ELL: variants seen among roughly 807,000 people sequenced by gnomAD.
ELL encodes the protein RNA polymerase II elongation factor ELL.
ELL carries 18 observed loss-of-function variants against 64.0 expected under a neutral mutation model. That is an observed-to-expected ratio of 0.28 (90% confidence interval 0.19 to 0.42). The LOEUF (loss-of-function observed/expected upper bound fraction) is 0.42, where lower values mean the gene tolerates loss of function less well. ELL is among the 10% of genes least tolerant of loss of function. ELL has a pLI of 1.00. For missense variants in ELL, 797 were observed against 870.4 expected, an observed-to-expected ratio of 0.92 and a Z score of 1.06; for synonymous variants, 399 against 376.2, an observed-to-expected ratio of 1.06 and a Z score of -0.70.
chr19:18,450,741 T>G lies in ELL; in HGVS notation c.1201A>C (p.Ser401Arg), dbSNP rs1974511748. 5 of 1,584,100 alleles carry G rather than the reference T, an allele frequency of 3.2e-6. No homozygotes were observed. Among genetic ancestry groups the G allele is most frequent in the Non-Finnish European group, 4.3e-6 (5 of 1,165,342 alleles). The change falls in exon 8 of 12, where the codon AGC (serine) becomes CGC (arginine). Residue 401 changes from serine to arginine, a missense_variant. By Grantham distance (110) the Ser-to-Arg change is moderately radical (BLOSUM62 -1). Transcript: ENST00000262809. ...CGGCCGCTGTGGCCCAGGTCATTGC[T>G]GACATCGGCCAGGGGGTCGTGGGCC... ...PRAHDPLADV[S>R]NDLGHSGRDC...
chr19:18,509,582 T>TGCGCGCGTGC (rs1555739217), intron 1 of ELL, among the ~76,000 whole-genome samples: 1 of 95,538 alleles, frequency 1.0e-5, no homozygotes, highest in African/African-American at 4.7e-5. Flanking sequence ...CCAATGCACG[T>TGCGCGCGTGC]GCGCGCGCGC....
intron 1 of ELL, among the ~76,000 whole-genome samples, chr19:18,513,590 T>C (rs149436861): frequency 0.015 from 2,357 of 152,144 alleles, 24 homozygotes; most frequent in Non-Finnish European, 0.024. Context: ...TGAGTTATAC[T>C]GCTTATATAG....
intron 1 of ELL, among the ~76,000 whole-genome samples, chr19:18,485,285 G>A (rs970896192): frequency 6.6e-6 from 1 of 152,162 alleles, no homozygotes; most frequent in Non-Finnish European, 1.5e-5. Flanking sequence ...CTGCAGACAA[G>A]GCCATGTGTG....
chr19:18,507,998 T>C (rs902332071), intron 1 of ELL, among the ~76,000 whole-genome samples: 1 of 152,300 alleles, frequency 6.6e-6, no homozygotes, highest in African/African-American at 2.4e-5. Context: ...TGCACATGAC[T>C]GTGTTTTGTT....
chr19:18,474,888 C>T (rs943563446), intron 1 of ELL, among the ~76,000 whole-genome samples: 7 of 152,244 alleles, frequency 4.6e-5, no homozygotes, highest in Middle Eastern at 3.4e-3. Context: ...TTTGGGAGGC[C>T]GAGGTGGGCA....
At chr19:18,471,627 C>G (rs1975066865) in intron 2 of ELL, among the ~76,000 whole-genome samples, 1 of 152,224 alleles carries the variant, frequency 6.6e-6, no homozygotes, top group African/African-American at 2.4e-5. Context: ...AAGATTGCAC[C>G]ACTGCACTCC....
Position 18,484,082 on chromosome 19 carries a change from G to A in ELL, c.136-11200C>T, listed in dbSNP as rs1330375321. ...ACACTCCATGGGCACCTGGGCCACAGTGTCAGGCCCCTCTGTCCCCTCTAG... is the reference window on the plus strand; with the variant it reads ...ACACTCCATGGGCACCTGGGCCACAATGTCAGGCCCCTCTGTCCCCTCTAG... On this transcript the variant is annotated intron_variant, in intron 1 of 11. Coordinates refer to ENST00000262809, the MANE Select transcript of ELL (RefSeq NM_006532.4). Among the ~76,000 whole-genome samples the A allele has an allele frequency of 3.9e-5, 6 of 152,256 alleles. 1 individual carries two copies. The highest frequency in any genetic ancestry group is 3.9e-4 in the Admixed American group (6 of 15,288).
chr19:18,465,033 AG>A (rs1401786242), intron 4 of ELL, among the ~76,000 whole-genome samples: 1 of 152,194 alleles, frequency 6.6e-6, no homozygotes, highest in Admixed American at 6.5e-5. Context: ...GCCTTGCCCT[AG>A]GCTGCATGCC....
rs1975785924 is a variant in ELL at position 18,501,894 on chromosome 19, AAAG to A, written c.135+20024_135+20026del. Among the ~76,000 whole-genome samples the A allele has an allele frequency of 6.6e-6, 1 of 151,998 alleles. No individual in the cohort carries two copies. Among genetic ancestry groups the A allele is most frequent in the Admixed American group, 6.5e-5 (1 of 15,288 alleles). The stretch of plus-strand genomic sequence containing the variant: ...CCAGTGACCAGGACAGCCCTTTCCA[AAAG>A]AAGGCCCTGAACACAGTCAAGAGGA... On this transcript the variant is annotated intron_variant, in intron 1 of 11. Coordinates refer to ENST00000262809, the MANE Select transcript of ELL (RefSeq NM_006532.4). The surrounding 1 kb of genome is among the most constrained non-coding windows in gnomAD (Gnocchi z 4.5).
intron 1 of ELL, among the ~76,000 whole-genome samples, chr19:18,497,517 C>A (rs181946740): frequency 8.5e-5 from 13 of 152,242 alleles, no homozygotes; most frequent in Admixed American, 7.2e-4. Context: ...AAACTCAGGG[C>A]TCCAGATGAT....
intron 1 of ELL, among the ~76,000 whole-genome samples, chr19:18,512,447 G>A (rs1179490203): frequency 6.6e-6 from 1 of 152,104 alleles, no homozygotes; most frequent in East Asian, 1.9e-4. Flanking sequence ...AGACCACCCT[G>A]GGCAACATGG....
intron 5 of ELL, among the ~76,000 whole-genome samples, chr19:18,459,088 T>C (rs1193209145): frequency 6.6e-6 from 1 of 151,940 alleles, no homozygotes; most frequent in Non-Finnish European, 1.5e-5. Flanking sequence ...GTATTTTGCA[T>C]AGGCTGGTCT....
rs1974334650 is a variant in ELL at position 18,443,374 on chromosome 19, C to A, written c.*1378G>T. On this transcript the variant is annotated 3_prime_UTR_variant, in exon 12 of 12. Transcript: ENST00000262809. Reference sequence around the variant, plus strand: ...GAAGCTGTCAGGAGGCACCCCTCCACCCCCCAGTTTAGAAAAATAGACATC... The same window carrying A: ...GAAGCTGTCAGGAGGCACCCCTCCAACCCCCAGTTTAGAAAAATAGACATC... 4.5e-6 allele frequency: 1 copy of A among 221,906 alleles called. No individual in the cohort carries two copies. The allele number at this position is 221,906 out of a possible 1,614,324, so 13.7% of individuals were successfully genotyped here. A position where few individuals can be genotyped will look rare whatever the true frequency, so the allele number is the denominator to read the frequency against.
rs182880042 is a variant in ELL at position 18,467,272 on chromosome 19, C to A, written c.184-1354G>T. ...CCCTTCTCCAGAGGCCCATCCTGCC[C>A]CTTCCCCAGGCTGAACACTGCCCCA... On this transcript the variant is annotated intron_variant, in intron 2 of 11. Coordinates refer to ENST00000262809, the MANE Select transcript of ELL (RefSeq NM_006532.4). Among the ~76,000 whole-genome samples, 402 of 152,238 alleles carry A rather than the reference C, an allele frequency of 2.6e-3. 5 individuals are homozygous for A. The highest frequency in any genetic ancestry group is 0.02 in the Middle Eastern group (6 of 294).
chr19:18,450,389 T>G, intron 8 of ELL, 88 bp downstream of exon 8: 4 of 1,539,948 alleles, frequency 2.6e-6, no homozygotes, highest in Non-Finnish European at 3.5e-6. Flanking sequence ...CTTCTACAGC[T>G]TGAGCCCCCT....
chr19:18,461,449 G>A, intron 5 of ELL, 129 bp downstream of exon 5: 2 of 1,429,648 alleles, frequency 1.4e-6, no homozygotes, highest in Middle Eastern at 2.6e-4. Flanking sequence ...TTCTGAACCT[G>A]TGAGAGACCC....
At position 18,458,196 on chromosome 19, in the gene ELL, C is replaced by T. The variant is rs148864996; in HGVS notation, c.869+9G>A. The stretch of plus-strand genomic sequence containing the variant: ...TGGGGACATGCTGGGGGATGGGAGG[C>T]GGCATTACCGGACGAGCACCCGCTT... On this transcript the variant is annotated intron_variant, in intron 6 of 11. Transcript: ENST00000262809. The T allele has an allele frequency of 4.9e-5, 79 of 1,607,054 alleles. No individual in the cohort carries two copies. The highest frequency in any genetic ancestry group is 4.1e-4 in the African/African-American group (31 of 75,022).
rs572218756 is a variant in ELL, at chr19:18,503,410, C to T, written c.135+18511G>A. On this transcript the variant is annotated intron_variant, in intron 1 of 11. Transcript: ENST00000262809. ...AGGGAGCCCCAGCAAGTGGGGGGCA[C>T]GTCTGGCCAGGCTCTGAGGAACTGA... Among the ~76,000 whole-genome samples, 37 of 152,342 alleles carry T rather than the reference C, an allele frequency of 2.4e-4. 1 individual carries two copies. Among genetic ancestry groups the T allele is most frequent in the Admixed American group, 2.0e-3 (31 of 15,306 alleles).
intron 1 of ELL, among the ~76,000 whole-genome samples, chr19:18,502,675 C>G (rs935537346): frequency 6.6e-6 from 1 of 152,198 alleles, no homozygotes; most frequent in Non-Finnish European, 1.5e-5. Context: ...AGAGAGGGCC[C>G]AATGACAACG....
Sources: allele counts gnomAD v4.1 joint callset (sites outside exome capture counted in the v4.1 genomes callset), GRCh38; gene constraint gnomAD v4.1.1; non-coding constraint Gnocchi (gnomAD v3.1); transcripts MANE v1.5; gene names NCBI Gene and HGNC (gene_info 2026-07-23, HGNC 2026-07-21).